The following LIPA variants were observed in gnomAD, a reference collection of about 807,000 sequenced individuals.
LIPA encodes the protein lipase A, lysosomal acid type.
In LIPA, 26 loss-of-function variants were observed where a neutral mutation model predicts 40.6. The observed-to-expected ratio is 0.64, with a 90% confidence interval of 0.47 to 0.89. LIPA has a LOEUF of 0.89. Ranked by LOEUF, LIPA falls within the 40% of genes least tolerant of loss-of-function variation. The pLI is 0.00. For synonymous variants in LIPA, 188 were observed against 168.4 expected (o/e 1.12, Z -0.90); for missense variants, 455 against 479.6 (o/e 0.95, Z 0.48).
chr10:89,412,496 A>C (rs1035480937), intron 2 of LIPA: 3 of 185,560 alleles, frequency 1.6e-5, no homozygotes, highest in Admixed American at 1.2e-4. Flanking sequence ...AGGGAATAAA[A>C]GCAGGCCACC....
intron 1 of LIPA, among the ~76,000 whole-genome samples, chr10:89,268,560 C>CTA (rs532647989): frequency 7.5e-4 from 114 of 152,142 alleles, no homozygotes; most frequent in African/African-American, 2.7e-3. Context: ...TAGGCTCAAG[C>CTA]TATATATATT....
intron 3 of LIPA, among the ~76,000 whole-genome samples, chr10:89,238,019 G>A (rs1285749219): frequency 6.6e-6 from 1 of 152,198 alleles, no homozygotes; most frequent in Non-Finnish European, 1.5e-5. Context: ...TGCCATTGTT[G>A]TTACAGAAAA....
chr10:89,223,488 G>A (rs1352599474), intron 7 of LIPA, among the ~76,000 whole-genome samples, 196 bp downstream of exon 7: 2 of 152,150 alleles, frequency 1.3e-5, no homozygotes, highest in African/African-American at 4.8e-5. Flanking sequence ...ATAAGAAGGT[G>A]ACCACAGTCA....
chr10:89,253,390 T>C (rs190989931), upstream of LIPA, among the ~76,000 whole-genome samples: 4 of 152,298 alleles, frequency 2.6e-5, no homozygotes, highest in African/African-American at 9.6e-5. Context: ...AAGAACCAAG[T>C]AAAAGGATTT....
In LIPA at chr10:89,238,607, A is replaced by T. The variant is rs529588284; in HGVS notation, c.229+7069T>A. Among the ~76,000 whole-genome samples the T allele has an allele frequency of 2.6e-5, 4 of 152,308 alleles. No homozygotes were observed. In the East Asian group the frequency reaches 7.7e-4, roughly 29 times the overall value. ...CCACCTCTGCTACTCCTACAACAGC[A>T]AGACCAACTCCTCCTCTTCCTCCTC... On this transcript the variant is annotated intron_variant, in intron 3 of 9. Transcript: ENST00000336233.
intron 2 of LIPA, among the ~76,000 whole-genome samples, chr10:89,368,230 C>A (rs1186485518): frequency 2.0e-5 from 3 of 152,208 alleles, no homozygotes; most frequent in African/African-American, 7.2e-5. Flanking sequence ...CTTGTGAATT[C>A]ATATTCCACT....
intron 2 of LIPA, among the ~76,000 whole-genome samples, chr10:89,376,207 A>AAAG (rs1554879592): frequency 1.1e-4 from 17 of 150,988 alleles, no homozygotes; most frequent in African/African-American, 3.6e-4. Flanking sequence ...AAAAAAAAAA[A>AAAG]AAGAAGAAGA....
intron 1 of LIPA, among the ~76,000 whole-genome samples, chr10:89,321,554 A>T (rs991275263): frequency 6.6e-6 from 1 of 152,216 alleles, no homozygotes; most frequent in African/African-American, 2.4e-5. Flanking sequence ...GGCCATCATT[A>T]AAAAGTCAGT....
chr10:89,298,519 AG>A (rs1416002144), intron 1 of LIPA, among the ~76,000 whole-genome samples: 1 of 152,230 alleles, frequency 6.6e-6, no homozygotes. Flanking sequence ...TTCAGGAAAA[AG>A]TCCTCCCCTA....
chr10:89,355,178 G>GC (rs1037864362), intron 2 of LIPA, among the ~76,000 whole-genome samples: 3 of 152,180 alleles, frequency 2.0e-5, no homozygotes, highest in Non-Finnish European at 2.9e-5. Context: ...TTTTATGTCT[G>GC]CCCCCTAGTA....
chr10:89,355,834 C>T (rs1335573693), intron 2 of LIPA, among the ~76,000 whole-genome samples: 1 of 152,174 alleles, frequency 6.6e-6, no homozygotes, highest in African/African-American at 2.4e-5. Flanking sequence ...CCCATCAGCG[C>T]CATGGCATTT....
At chr10:89,302,815 A>G (rs1843453768) in intron 1 of LIPA, among the ~76,000 whole-genome samples, 1 of 152,084 alleles carries the variant, frequency 6.6e-6, no homozygotes, top group Non-Finnish European at 1.5e-5. Flanking sequence ...TAGGAAGGGA[A>G]ATATTTTCTC....
At chr10:89,390,288 A>C (rs1043701154) in intron 2 of LIPA, among the ~76,000 whole-genome samples, 3 of 152,176 alleles carry the variant, frequency 2.0e-5, no homozygotes, top group Non-Finnish European at 4.4e-5. Flanking sequence ...GCCCAGGCTG[A>C]AGATTTCTTT....
At chr10:89,369,764 C>T (rs545395767) in intron 2 of LIPA, among the ~76,000 whole-genome samples, 1 of 152,288 alleles carries the variant, frequency 6.6e-6, no homozygotes, top group African/African-American at 2.4e-5. Flanking sequence ...TACTAGCACA[C>T]AGATCTTTTG....
intron 2 of LIPA, chr10:89,403,814 T>C: frequency 1.5e-6 from 1 of 658,014 alleles, no homozygotes; most frequent in South Asian, 2.1e-5. Context: ...TAATTCACTG[T>C]AATGATGTAA....
chr10:89,374,710 A>G (rs1353071656), intron 2 of LIPA, among the ~76,000 whole-genome samples: 1 of 152,192 alleles, frequency 6.6e-6, no homozygotes, highest in Non-Finnish European at 1.5e-5. Context: ...TGAAAACACA[A>G]TTGGCCTCCT....
At chr10:89,258,107 T>C (rs1241027592) in intron 1 of LIPA, among the ~76,000 whole-genome samples, 1 of 152,158 alleles carries the variant, frequency 6.6e-6, no homozygotes, top group Non-Finnish European at 1.5e-5. Flanking sequence ...ATAAGAATAC[T>C]GAATAAGAAT....
At chr10:89,307,267 A>G (rs575634319) in intron 1 of LIPA, 114 of 1,614,062 alleles carry the variant, frequency 7.1e-5, no homozygotes, top group Admixed American at 5.8e-4. Context: ...ATGTCTTGGC[A>G]TTCCTTCAGG....
Position 89,247,540 on chromosome 10 carries a change from C to A in LIPA, c.109G>T (p.Val37Leu). Reference sequence around the variant, plus strand: ...GTACATAACTTTGAGAAACTTACCACATTCATGTTTGTTTCAGGATCCACA... The same window carrying A: ...GTACATAACTTTGAGAAACTTACCAAATTCATGTTTGTTTCAGGATCCACA... ...TAVDPETNMNVSEIISYWGFP... is the reference protein window; with the variant it reads ...TAVDPETNMNLSEIISYWGFP... The change falls in exon 2 of 10, where the codon GTG (valine) becomes TTG (leucine). Residue 37 changes from valine (V) to leucine (L), a missense_variant and splice_region_variant. Val to Leu is a conservative substitution (Grantham distance 32, BLOSUM62 1). Coordinates refer to ENST00000336233, the MANE Select transcript of LIPA (RefSeq NM_000235.4). 1 of 1,586,084 alleles carries A rather than the reference C, an allele frequency of 6.3e-7. No individual in the cohort carries two copies. Among genetic ancestry groups the A allele is most frequent in the South Asian group, 1.1e-5 (1 of 90,502 alleles).
Sources: allele counts gnomAD v4.1 joint callset (sites outside exome capture counted in the v4.1 genomes callset), GRCh38; gene constraint gnomAD v4.1.1; transcripts MANE v1.5; gene names NCBI Gene and HGNC (gene_info 2026-07-23, HGNC 2026-07-21).